Variants in PTPRD observed in about 807,000 individuals in gnomAD.
PTPRD encodes protein tyrosine phosphatase receptor type D, also known as receptor-type tyrosine-protein phosphatase delta.
In PTPRD, 34 loss-of-function variants were observed where a neutral mutation model predicts 214.5. That is an observed-to-expected ratio of 0.16 (90% confidence interval 0.12 to 0.21). The LOEUF (loss-of-function observed/expected upper bound fraction) is 0.21, where lower values mean the gene tolerates loss of function less well. Ranked by LOEUF, PTPRD falls within the 10% of genes least tolerant of loss-of-function variation. The pLI is 1.00. For synonymous variants in PTPRD, 1,128 were observed against 845.7 expected, an observed-to-expected ratio of 1.33 and a Z score of -5.79; for missense variants, 2,545 against 2,398.7, an observed-to-expected ratio of 1.06 and a Z score of -1.27.
chr9:9,634,687 C>T (rs1438102660), intron 7 of PTPRD, among the ~76,000 whole-genome samples: 1 of 152,112 alleles, frequency 6.6e-6, no homozygotes, highest in East Asian at 1.9e-4. Context: ...AAGAAGCAGT[C>T]AATTCTTAAA....
chr9:9,447,796 C>T (rs1007994264), intron 8 of PTPRD, among the ~76,000 whole-genome samples: 4 of 152,068 alleles, frequency 2.6e-5, no homozygotes, highest in East Asian at 3.9e-4. Context: ...TGGAAGAACG[C>T]TGTTCTAGGG....
chr9:9,384,431 A>C (rs1596828794), intron 9 of PTPRD, among the ~76,000 whole-genome samples: 1 of 134,920 alleles, frequency 7.4e-6, no homozygotes. Flanking sequence ...ATGTAGAAAC[A>C]TCATTTTTGT....
chr9:8,838,114 A>AAT (rs1386377696), intron 11 of PTPRD, among the ~76,000 whole-genome samples: 1 of 152,194 alleles, frequency 6.6e-6, no homozygotes, highest in Non-Finnish European at 1.5e-5. Flanking sequence ...CAGCATAATA[A>AAT]AACTCCAATA....
chr9:9,113,648 C>T (rs565259123), intron 10 of PTPRD, among the ~76,000 whole-genome samples: 3 of 152,160 alleles, frequency 2.0e-5, no homozygotes, highest in African/African-American at 4.8e-5. Context: ...GAACTAAAAG[C>T]GGTGTCAATC....
At chr9:9,010,626 G>A (rs527355884) in intron 11 of PTPRD, among the ~76,000 whole-genome samples, 13 of 152,218 alleles carry the variant, frequency 8.5e-5, no homozygotes, top group African/African-American at 3.1e-4. Flanking sequence ...CTCTTCAACA[G>A]TGCAGATCTT....
intron 11 of PTPRD, among the ~76,000 whole-genome samples, chr9:8,905,360 C>A (rs143158377): frequency 6.6e-6 from 1 of 151,944 alleles, no homozygotes; most frequent in Non-Finnish European, 1.5e-5. Flanking sequence ...TATTTTCTTT[C>A]TGTGTACATT....
At chr9:8,641,263 T>G (rs1398564036) in intron 12 of PTPRD, among the ~76,000 whole-genome samples, 1 of 148,264 alleles carries the variant, frequency 6.7e-6, no homozygotes, top group Non-Finnish European at 1.5e-5. Flanking sequence ...AAAATCTCCG[T>G]TTTTATCCCA....
intron 3 of PTPRD, among the ~76,000 whole-genome samples, chr9:10,323,691 T>C (rs141914268): frequency 1.3e-5 from 2 of 151,964 alleles, no homozygotes; most frequent in South Asian, 2.1e-4. Context: ...CTGTTTAATA[T>C]GCAGTTGCTA....
Position 9,653,113 on chromosome 9 carries a change from C to T in PTPRD, c.-286-78332G>A, listed in dbSNP as rs557063249. ...ATCCCAGCACTTTGGGAGGCCGAGG[C>T]GGGTGGATCATGAGGTCAGGAGATC... On this transcript the variant is annotated intron_variant, in intron 7 of 45. Coordinates refer to ENST00000381196, the MANE Select transcript of PTPRD (RefSeq NM_002839.4). Among the ~76,000 whole-genome samples, 152 of 149,050 alleles carry T rather than the reference C, an allele frequency of 1.0e-3. 1 individual carries two copies. Among genetic ancestry groups the T allele is most frequent in the Middle Eastern group, 3.5e-3 (1 of 288 alleles).
At chr9:10,423,817 T>C (rs2098579884) in intron 2 of PTPRD, among the ~76,000 whole-genome samples, 1 of 152,006 alleles carries the variant, frequency 6.6e-6, no homozygotes, top group African/African-American at 2.4e-5. Flanking sequence ...GACATGGTGA[T>C]TTCCACTGCA....
At chr9:10,492,625 A>C (rs1589377848) in intron 2 of PTPRD, among the ~76,000 whole-genome samples, 1 of 152,224 alleles carries the variant, frequency 6.6e-6, no homozygotes, top group East Asian at 1.9e-4. Flanking sequence ...CCTTTGTCAG[A>C]CGGATAGATG....
intron 8 of PTPRD, among the ~76,000 whole-genome samples, chr9:9,516,191 G>C (rs1433469815): frequency 6.6e-6 from 1 of 151,890 alleles, no homozygotes; most frequent in Non-Finnish European, 1.5e-5. Flanking sequence ...GGAAAAAAGA[G>C]TACCAAAATA....
rs114820648 is a variant in PTPRD at position 9,850,496 on chromosome 9, A to T, written c.-367-83645T>A. Among the ~76,000 whole-genome samples, 1,400 of 152,306 alleles carry T rather than the reference A, an allele frequency of 9.2e-3. 26 individuals are homozygous for T. The highest frequency in any genetic ancestry group is 0.032 in the African/African-American group (1,348 of 41,580). ...ATGTGATGAATTTCAGATAATTCATAACTAAAACAAAAATTAAATGGAAGG... is the reference window on the plus strand; with the variant it reads ...ATGTGATGAATTTCAGATAATTCATTACTAAAACAAAAATTAAATGGAAGG... On this transcript the variant is annotated intron_variant, in intron 5 of 45. Transcript: ENST00000381196.
At chr9:9,222,785 T>C (rs1029330203) in intron 9 of PTPRD, among the ~76,000 whole-genome samples, 1 of 152,040 alleles carries the variant, frequency 6.6e-6, no homozygotes, top group Non-Finnish European at 1.5e-5. Context: ...AAAAGTGACA[T>C]ATTCCCCATG....
At position 10,605,338 on chromosome 9, in the gene PTPRD, G is replaced by A. The variant is rs58317675; in HGVS notation, c.-600+7060C>T. 5.3e-3 allele frequency among the ~76,000 whole-genome samples: 805 copies of A among 151,878 alleles called. 13 individuals are homozygous for A. The highest frequency in any genetic ancestry group is 0.018 in the African/African-American group (756 of 41,454). ...TATTCTATGAATTTGGAAATATAAG[G>A]GACTGGTGCATAGACTGTAAACTGC... On this transcript the variant is annotated intron_variant, in intron 2 of 45. Transcript: ENST00000381196.
chr9:9,483,987 C>T (rs1208079488), intron 8 of PTPRD, among the ~76,000 whole-genome samples: 1 of 151,720 alleles, frequency 6.6e-6, no homozygotes, highest in Admixed American at 6.6e-5. Context: ...AAAATCCACA[C>T]CATATAATAG....
At chr9:9,243,596 A>G (rs2099971496) in intron 9 of PTPRD, among the ~76,000 whole-genome samples, 1 of 152,164 alleles carries the variant, frequency 6.6e-6, no homozygotes, top group Non-Finnish European at 1.5e-5. Context: ...AACAATCTTC[A>G]TGCTAAAAAC....
chr9:9,762,398 A>G (rs373018371), intron 6 of PTPRD, among the ~76,000 whole-genome samples: 3 of 152,206 alleles, frequency 2.0e-5, no homozygotes, highest in South Asian at 4.1e-4. Flanking sequence ...CTTTTTTTGC[A>G]ATATAAACAG....
At chr9:9,719,571 G>A (rs1173116929) in intron 7 of PTPRD, among the ~76,000 whole-genome samples, 5 of 152,046 alleles carry the variant, frequency 3.3e-5, no homozygotes, top group Non-Finnish European at 5.9e-5. Context: ...CCCAGGATTT[G>A]CAGGCCAGAA....
Sources: gnomAD v4.1 joint callset for allele counts (sites outside exome capture counted in the v4.1 genomes callset) on GRCh38, gnomAD v4.1.1 for gene constraint, MANE v1.5 for transcripts, NCBI Gene and HGNC (gene_info 2026-07-23, HGNC 2026-07-21) for gene names.